The following IPO9 variants were observed in gnomAD, a reference collection of about 807,000 sequenced individuals.
The protein encoded by IPO9 is importin 9.
IPO9 carries 28 observed loss-of-function variants against 128.6 expected under a neutral mutation model. The ratio of observed to expected loss-of-function variants is 0.22; its 90% CI spans 0.16 to 0.30. IPO9 has a LOEUF of 0.30. Among genes scored for constraint, IPO9 ranks in the 10% least tolerant of loss-of-function variants. IPO9 has a pLI of 1.00. For missense variants in IPO9, 935 were observed against 1,293.9 expected (o/e 0.72, Z 4.26); for synonymous variants, 455 against 475.8 (o/e 0.96, Z 0.57).
intron 2 of IPO9, 51 bp downstream of exon 2, chr1:201,847,391 GA>G: frequency 1.3e-6 from 2 of 1,551,146 alleles, no homozygotes; most frequent in Non-Finnish European, 1.8e-6. Flanking sequence ...CCTTGGTAAT[GA>G]AACTTTCTTA....
intron 20 of IPO9, among the ~76,000 whole-genome samples, chr1:201,873,630 C>G (rs1680702290): frequency 6.6e-6 from 1 of 151,802 alleles, no homozygotes. Context: ...GCCTGTAATC[C>G]CAGCTACTCG....
intron 1 of IPO9, among the ~76,000 whole-genome samples, chr1:201,839,408 G>A (rs1201112008): frequency 6.6e-6 from 1 of 151,820 alleles, no homozygotes; most frequent in Non-Finnish European, 1.5e-5. Context: ...GTAGAGACGG[G>A]GTTTCACCAT....
At chr1:201,836,119 C>CAAAAAAAAAAAAA (rs34447985) in intron 1 of IPO9, among the ~76,000 whole-genome samples, 1 of 55,350 alleles carries the variant, frequency 1.8e-5, no homozygotes, top group African/African-American at 8.3e-5. Flanking sequence ...GACTCCATCT[C>CAAAAAAAAAAAAA]AAAAAAAAAA....
chr1:201,831,766 T>G (rs974462124), intron 1 of IPO9, among the ~76,000 whole-genome samples: 1 of 152,202 alleles, frequency 6.6e-6, no homozygotes, highest in Non-Finnish European at 1.5e-5. Context: ...CTATCTGGCC[T>G]GATGAAACTG....
Position 201,846,129 on chromosome 1 carries a change from A to T in IPO9, c.164-1150A>T, listed in dbSNP as rs1305009822. ...TCTCTAAAACAAAATTTATTTTAGT[A>T]ATCATTTTTTAAAAATAAATTTTAA... On this transcript the variant is annotated intron_variant, in intron 1 of 23. Transcript: ENST00000361565. Among the ~76,000 whole-genome samples the T allele has an allele frequency of 2.0e-5, 3 of 152,318 alleles. No homozygotes were observed. In the East Asian group the frequency reaches 5.8e-4, roughly 29 times the overall value.
intron 14 of IPO9, 110 bp from the exon 15 acceptor site, chr1:201,866,623 G>A (rs1680558699): frequency 1.3e-6 from 1 of 768,124 alleles, no homozygotes; most frequent in Admixed American, 2.6e-5. Flanking sequence ...CCTAACTTTA[G>A]AATTAGCTTT....
Position 201,882,931 on chromosome 1 carries a change from T to C in IPO9, c.*6877T>C, listed in dbSNP as rs549410822. 1 of 152,770 alleles carries C rather than the reference T, an allele frequency of 6.5e-6. No homozygotes were observed. Among genetic ancestry groups the C allele is most frequent in the Admixed American group, 6.5e-5 (1 of 15,308 alleles). 9.5% of individuals were successfully genotyped at this position (152,770 alleles called of 1,614,324 possible). A position where few individuals can be genotyped will look rare whatever the true frequency, so the allele number is the denominator to read the frequency against. ...GGAGCTATGTTTGGCTCATTCTTCC[T>C]GACTCACTGGATTACACTGTGACTC... is the stretch of plus-strand genomic sequence containing the variant. On this transcript the variant is annotated 3_prime_UTR_variant, in exon 24 of 24. Transcript: ENST00000361565.
At chr1:201,857,921 CT>C (rs1680363393) in intron 11 of IPO9, among the ~76,000 whole-genome samples, 2 of 152,130 alleles carry the variant, frequency 1.3e-5, no homozygotes, top group Non-Finnish European at 2.9e-5. Context: ...CAAATACCTG[CT>C]CATGTTTTCT....
chr1:201,833,328 T>C (rs1439358804), intron 1 of IPO9, among the ~76,000 whole-genome samples: 1 of 151,820 alleles, frequency 6.6e-6, no homozygotes, highest in Non-Finnish European at 1.5e-5. Flanking sequence ...AACATCCGCC[T>C]CCTAGATTCA....
intron 6 of IPO9, among the ~76,000 whole-genome samples, chr1:201,853,655 A>G (rs755488826): frequency 4.6e-5 from 7 of 152,136 alleles, no homozygotes; most frequent in African/African-American, 7.2e-5. Flanking sequence ...GGTTCAAGCA[A>G]TCCTCTCACC....
intron 13 of IPO9, 39 bp downstream of exon 13, chr1:201,859,033 A>C: frequency 6.3e-7 from 1 of 1,584,520 alleles, no homozygotes; most frequent in Non-Finnish European, 8.6e-7. Context: ...GAAACTCTTT[A>C]AACCTGTTGT....
In IPO9 at chr1:201,874,817, T is replaced by G; in HGVS notation, c.2834-15T>G. 1 of 1,541,234 alleles carries G rather than the reference T, an allele frequency of 6.5e-7. No individual in the cohort carries two copies. The highest frequency in any genetic ancestry group is 9.0e-7 in the Non-Finnish European group (1 of 1,113,500). ...GAATGTGCTCTAGCTCTAGCTGCTT[T>G]TCATCTCCAAGTAGATGACTCCAAT... On this transcript the variant is annotated splice_polypyrimidine_tract_variant and intron_variant, in intron 21 of 23. Coordinates refer to ENST00000361565, the MANE Select transcript of IPO9 (RefSeq NM_018085.5).
In IPO9 at chr1:201,866,736, T is replaced by C. The variant is rs932459208; in HGVS notation, c.1632T>C (p.Tyr544=). The change falls in exon 15 of 24, where the codon TAT becomes TAC. Residue 544 remains tyrosine, a synonymous_variant. Transcript: ENST00000361565. ...TTGCTTATCTATCTCTCTCTAGTTA[T>C]TGTGACCAACTGAAAGTCTCAGAGA... The part of the protein sequence containing the change: ...RISAVRAIWG[Y]CDQLKVSEST... 1 of 1,612,386 alleles carries C rather than the reference T, an allele frequency of 6.2e-7. No individual in the cohort carries two copies. The highest frequency in any genetic ancestry group is 8.5e-7 in the Non-Finnish European group (1 of 1,178,426).
At chr1:201,850,423 T>C (rs1680193078) in intron 4 of IPO9, 1 of 152,194 alleles carries the variant, frequency 6.6e-6, no homozygotes, top group South Asian at 2.1e-4. Flanking sequence ...TAATGAGGCT[T>C]CCTATTAAAC....
At chr1:201,845,383 A>G (rs1680108753) in intron 1 of IPO9, among the ~76,000 whole-genome samples, 1 of 152,172 alleles carries the variant, frequency 6.6e-6, no homozygotes, top group African/African-American at 2.4e-5. Context: ...ACCTAATGAC[A>G]GGCATGGTGG....
chr1:201,841,575 C>T (rs1483629462), intron 1 of IPO9, among the ~76,000 whole-genome samples: 1 of 152,196 alleles, frequency 6.6e-6, no homozygotes, highest in Non-Finnish European at 1.5e-5. Context: ...ATACCTAGTG[C>T]TCACATCTTG....
chr1:201,873,107 T>A, intron 20 of IPO9, 146 bp downstream of exon 20: 1 of 986,314 alleles, frequency 1.0e-6, no homozygotes, highest in Non-Finnish European at 1.4e-6. Context: ...GAAACTTAGG[T>A]AAAAGGGATC....
At chr1:201,869,115 G>C (rs553205480) in intron 16 of IPO9, among the ~76,000 whole-genome samples, 139 of 152,296 alleles carry the variant, frequency 9.1e-4, no homozygotes, top group African/African-American at 3.1e-3. Context: ...GCCGGGCATG[G>C]TGGCAGGCAT....
intron 15 of IPO9, among the ~76,000 whole-genome samples, chr1:201,867,723 T>C (rs1680580750): frequency 6.6e-6 from 1 of 152,108 alleles, no homozygotes; most frequent in Non-Finnish European, 1.5e-5. Context: ...TATTTATTAA[T>C]ACCTTATTAC....
Sources: allele counts gnomAD v4.1 joint callset (sites outside exome capture counted in the v4.1 genomes callset), GRCh38; gene constraint gnomAD v4.1.1; transcripts MANE v1.5; gene names NCBI Gene and HGNC (gene_info 2026-07-23, HGNC 2026-07-21).